ANK1: variants seen among roughly 807,000 people sequenced by gnomAD.
The protein encoded by ANK1 is ankyrin 1, also known as ankyrin-1.
Under a neutral mutation model 210.4 loss-of-function variants are expected in ANK1, and 51 were observed. The observed-to-expected ratio is 0.24, with a 90% confidence interval of 0.19 to 0.31. The LOEUF (loss-of-function observed/expected upper bound fraction) is 0.31, where lower values mean the gene tolerates loss of function less well. ANK1 is among the 10% of genes least tolerant of loss of function. The pLI, the probability that ANK1 is intolerant of heterozygous loss-of-function variation, is 1.00. For missense variants in ANK1, 2,051 were observed against 2,504.4 expected (o/e 0.82, Z 3.86); for synonymous variants, 967 against 1,025.9 (o/e 0.94, Z 1.10).
At chr8:41,673,814 G>C (rs757299555) in intron 37 of ANK1, among the ~76,000 whole-genome samples, 7 of 152,168 alleles carry the variant, frequency 4.6e-5, no homozygotes, top group Non-Finnish European at 8.8e-5. Context: ...TGGGAGAAGA[G>C]ACTAGAAGAC....
At chr8:41,800,894 T>C (rs949398699), upstream of ANK1, among the ~76,000 whole-genome samples, 3 of 152,094 alleles carry the variant, frequency 2.0e-5, no homozygotes, top group Non-Finnish European at 2.9e-5. Flanking sequence ...TTTGTATTTT[T>C]AGTAGAGACG....
chr8:41,657,950 T>C (rs1007644479), intron 42 of ANK1, among the ~76,000 whole-genome samples: 2 of 152,214 alleles, frequency 1.3e-5, no homozygotes, highest in African/African-American at 2.4e-5. Flanking sequence ...GGTATAATCA[T>C]AGCTCACTGC....
At chr8:41,896,710 G>A (rs956533700) in exon 1 of ANK1, 117 of 299,732 alleles carry the variant, frequency 3.9e-4, no homozygotes, top group Non-Finnish European at 5.6e-4. Context: ...GCCGCGGCCG[G>A]AGCTCGCTTG....
chr8:41,776,227 A>T (rs1844001484), intron 1 of ANK1, among the ~76,000 whole-genome samples: 1 of 152,194 alleles, frequency 6.6e-6, no homozygotes, highest in African/African-American at 2.4e-5. Context: ...ATTTAGGTGC[A>T]ACCGGGGCAT....
chr8:41,721,455 G>C (rs1207344644), intron 9 of ANK1, among the ~76,000 whole-genome samples: 1 of 152,018 alleles, frequency 6.6e-6, no homozygotes, highest in Non-Finnish European at 1.5e-5. Context: ...CCAGGAGTTC[G>C]AGACCAGCCT....
At chr8:41,808,036 C>G (rs1851225501) in intron 1 of ANK1, among the ~76,000 whole-genome samples, 1 of 152,246 alleles carries the variant, frequency 6.6e-6, no homozygotes, top group East Asian at 1.9e-4. Flanking sequence ...CTTCTGGAGA[C>G]TGTGCCTGGC....
intron 22 of ANK1, 61 bp downstream of exon 22, chr8:41,701,489 C>A (rs1822787549): frequency 6.5e-7 from 1 of 1,544,606 alleles, no homozygotes; most frequent in Non-Finnish European, 9.0e-7. Context: ...AGGAAGCCCC[C>A]TTGGAGGGTG....
chr8:41,661,914 C>T lies in ANK1; in HGVS notation c.5506G>A (p.Asp1836Asn). The change falls in exon 41 of 43, where the codon GAC (aspartate) becomes AAC (asparagine). Residue 1836 changes from aspartate to asparagine, a missense_variant. Asp to Asn is a conservative substitution (Grantham distance 23). Transcript: ENST00000289734. Reference sequence around the variant, plus strand: ...TGGGCGGCATCGGCGCTGGACAAGTCTATCTGTCGAACCACCTTGCGAATG... The same window carrying T: ...TGGGCGGCATCGGCGCTGGACAAGTTTATCTGTCGAACCACCTTGCGAATG... ...KIIRKVVRQI[D>N]LSSADAAQEH... is the part of the protein sequence containing the mutation. The T allele has an allele frequency of 6.2e-7, 1 of 1,614,080 alleles. No individual in the cohort carries two copies. The highest frequency in any genetic ancestry group is 8.5e-7 in the Non-Finnish European group (1 of 1,180,026).
chr8:41,835,556 C>T (rs1486425335), intron 1 of ANK1, among the ~76,000 whole-genome samples: 1 of 152,050 alleles, frequency 6.6e-6, no homozygotes, highest in East Asian at 1.9e-4. Flanking sequence ...ACAGAGGCTT[C>T]CGCAGAAAAC....
At chr8:41,695,870 GC>G (rs1246544171) in intron 26 of ANK1, among the ~76,000 whole-genome samples, 2 of 152,236 alleles carry the variant, frequency 1.3e-5, no homozygotes, top group Admixed American at 1.3e-4. Flanking sequence ...TCCAGGAGGA[GC>G]CCAGGCTGCT....
chr8:41,808,976 C>CT (rs35282411), intron 1 of ANK1, among the ~76,000 whole-genome samples: 1 of 152,202 alleles, frequency 6.6e-6, no homozygotes, highest in African/African-American at 2.4e-5. Context: ...TATGTTTTAA[C>CT]TTTTTGCTAT....
chr8:41,852,918 A>C (rs555082806), intron 1 of ANK1, among the ~76,000 whole-genome samples: 154 of 152,304 alleles, frequency 1.0e-3, no homozygotes, highest in Non-Finnish European at 1.7e-3. Flanking sequence ...CATGTCCCCC[A>C]GAGTTTAGCC....
At chr8:41,797,721 G>T, upstream of ANK1, 1 of 849,422 alleles carries the variant, frequency 1.2e-6, no homozygotes, top group Non-Finnish European at 1.7e-6. This position sits in a 1 kb window ranked among gnomAD's most constrained non-coding sequence, Gnocchi z 4.0. Context: ...CGGGCGGAGG[G>T]GTGGCGCCCG....
chr8:41,881,586 C>T lies in ANK1; in HGVS notation c.126+14769G>A, dbSNP rs148868584. Among the ~76,000 whole-genome samples, 486 of 152,332 alleles carry T rather than the reference C, an allele frequency of 3.2e-3. 3 individuals carry two copies. Among genetic ancestry groups the T allele is most frequent in the African/African-American group, 0.01 (420 of 41,580 alleles). On this transcript the variant is annotated intron_variant, in intron 1 of 42. Coordinates refer to the ANK1 transcript ENST00000265709. ...CCATCAAGCTCTAGGCTCTGTGTTACATGCTTTCAAAACATTCTTTCTGTT... is the reference window on the plus strand; with the variant it reads ...CCATCAAGCTCTAGGCTCTGTGTTATATGCTTTCAAAACATTCTTTCTGTT...
intron 1 of ANK1, chr8:41,830,025 A>G (rs1429021523): frequency 2.0e-5 from 3 of 151,318 alleles, no homozygotes; most frequent in Non-Finnish European, 4.4e-5. Context: ...TATTCCTCCG[A>G]TAACATCAAT....
chr8:41,884,742 G>A (rs1818163656), intron 1 of ANK1, among the ~76,000 whole-genome samples: 1 of 152,130 alleles, frequency 6.6e-6, no homozygotes, highest in Admixed American at 6.5e-5. Flanking sequence ...TGTGTTGGGA[G>A]GATCGTTTGA....
Position 41,704,600 on chromosome 8 carries a change from T to C in ANK1, c.2098-128A>G. The C allele has an allele frequency of 1.2e-6, 1 of 814,720 alleles. No homozygotes were observed. 50.5% of individuals were successfully genotyped at this position (814,720 alleles called of 1,614,324 possible). On this transcript the variant is annotated intron_variant, in intron 18 of 42. Coordinates refer to ENST00000289734, the MANE Select transcript of ANK1 (RefSeq NM_000037.4). This position sits in a 1 kb window ranked among gnomAD's most constrained non-coding sequence, Gnocchi z 4.1. ...CCCTTGAAGGCTGACATTGACAAGC[T>C]GAATGGCTGCTGCTGGGCAGAGACC... is the stretch of plus-strand genomic sequence containing the variant.
intron 1 of ANK1, among the ~76,000 whole-genome samples, chr8:41,880,945 T>C (rs1454085362): frequency 6.6e-6 from 1 of 152,226 alleles, no homozygotes; most frequent in Non-Finnish European, 1.5e-5. Flanking sequence ...AAGAACAGCA[T>C]CCCTCTTGTC....
intron 1 of ANK1, among the ~76,000 whole-genome samples, chr8:41,774,229 C>T (rs1843547296): frequency 6.6e-6 from 1 of 152,148 alleles, no homozygotes; most frequent in African/African-American, 2.4e-5. Flanking sequence ...GAACATGATG[C>T]AGTTTTGTGC....
Sources: gnomAD v4.1 joint callset for allele counts (sites outside exome capture counted in the v4.1 genomes callset) on GRCh38, gnomAD v4.1.1 for gene constraint, Gnocchi (gnomAD v3.1) non-coding constraint, MANE v1.5 for transcripts, NCBI Gene and HGNC (gene_info 2026-07-23, HGNC 2026-07-21) for gene names.